CGAS: variants seen among roughly 807,000 people sequenced by gnomAD.
CGAS encodes the protein cyclic GMP-AMP synthase.
In CGAS, 31 loss-of-function variants were observed where a neutral mutation model predicts 34.0. That is an observed-to-expected ratio of 0.91 (90% CI 0.69 to 1.23). The LOEUF is 1.23. Among genes scored for constraint, CGAS ranks in the 50% most tolerant of loss-of-function variants. The probability of loss-of-function intolerance (pLI) is 0.00; values close to 1 mark genes in which losing one functional copy is unlikely to be tolerated. For synonymous variants in CGAS, 266 were observed against 260.0 expected (o/e 1.02, Z -0.22); for missense variants, 597 against 657.6 (o/e 0.91, Z 1.01).
intron 3 of CGAS, among the ~76,000 whole-genome samples, chr6:73,438,643 C>A (rs1770315786): frequency 7.2e-6 from 1 of 138,698 alleles, no homozygotes. Context: ...TGCAGTGAGC[C>A]AAGTTCACAC....
chr6:73,449,112 GA>G (rs941287051), intron 1 of CGAS, among the ~76,000 whole-genome samples: 1 of 151,582 alleles, frequency 6.6e-6, no homozygotes, highest in African/African-American at 2.4e-5. Context: ...AAAAGAAAAA[GA>G]AAAAAAGAAA....
intron 1 of CGAS, 125 bp downstream of exon 1, chr6:73,451,400 A>G: frequency 8.8e-7 from 1 of 1,138,058 alleles, no homozygotes; most frequent in Non-Finnish European, 1.2e-6. Flanking sequence ...TAGGCTACCG[A>G]AAAACATGCA....
intron 3 of CGAS, among the ~76,000 whole-genome samples, chr6:73,429,899 G>A (rs985910621): frequency 6.6e-6 from 1 of 151,974 alleles, no homozygotes; most frequent in Non-Finnish European, 1.5e-5. Context: ...TTACTTCGTG[G>A]TTTTATACTA....
intron 4 of CGAS, 105 bp from the exon 5 acceptor site, chr6:73,425,683 A>AT: frequency 1.3e-6 from 1 of 745,998 alleles, no homozygotes; most frequent in Non-Finnish European, 2.1e-6. Flanking sequence ...ATATAATAAC[A>AT]TAAATATAGG....
chr6:73,448,639 C>T (rs1336307816), intron 1 of CGAS, among the ~76,000 whole-genome samples: 1 of 152,044 alleles, frequency 6.6e-6, no homozygotes, highest in Non-Finnish European at 1.5e-5. Context: ...GTGTGTGCCA[C>T]CACATCCAGT....
At chr6:73,448,114 G>A (rs1268458000) in intron 1 of CGAS, among the ~76,000 whole-genome samples, 17 of 152,090 alleles carry the variant, frequency 1.1e-4, no homozygotes, top group African/African-American at 3.4e-4. Flanking sequence ...ACCACTGGCC[G>A]GGCACAGTGG....
rs115940555 is a variant in CGAS, at chr6:73,428,023, G to C, written c.1217+686C>G. On this transcript the variant is annotated intron_variant, in intron 4 of 4. Transcript: ENST00000370315. The stretch of plus-strand genomic sequence containing the variant: ...AGGTGGGGTCTCACCATGTTGCTAG[G>C]CTGGGATTACAGGTGTGAGCCAACA... Among the ~76,000 whole-genome samples the C allele has an allele frequency of 1.6e-3, 242 of 152,118 alleles. 1 individual carries two copies. Among genetic ancestry groups the C allele is most frequent in the African/African-American group, 5.5e-3 (230 of 41,502 alleles).
At chr6:73,432,135 AT>A (rs1770205494) in intron 3 of CGAS, among the ~76,000 whole-genome samples, 1 of 150,722 alleles carries the variant, frequency 6.6e-6, no homozygotes, top group Non-Finnish European at 1.5e-5. Flanking sequence ...ATATAAGAAA[AT>A]TATTATTTGT....
chr6:73,437,697 T>C (rs574759684), intron 3 of CGAS, among the ~76,000 whole-genome samples: 8 of 152,324 alleles, frequency 5.3e-5, no homozygotes, highest in African/African-American at 1.9e-4. Flanking sequence ...AACTGTTCTT[T>C]AAATAAATTA....
At chr6:73,438,765 C>G (rs574459480) in intron 3 of CGAS, among the ~76,000 whole-genome samples, 1 of 151,580 alleles carries the variant, frequency 6.6e-6, no homozygotes, top group African/African-American at 2.4e-5. Flanking sequence ...TTCTTCATCT[C>G]TAAGGTGATT....
At position 73,451,730 on chromosome 6, in the gene CGAS, G is replaced by C. The variant is rs2150019744; in HGVS notation, c.452C>G (p.Pro151Arg). 1.9e-6 allele frequency: 3 copies of C among 1,613,074 alleles called. No individual in the cohort carries two copies. The South Asian group carries it at 3.3e-5, about 18-fold the overall frequency. Residue 151 changes from proline to arginine, a missense_variant, in exon 1 of 5, where the codon CCC (proline) becomes CGC (arginine). Transcript: ENST00000370315. The stretch of plus-strand genomic sequence containing the variant: ...CGCCGCATCCCTCCGTACGAGAATG[G>C]GGGCCGAGACCGGCAGGCCGGGGCT... Reference protein sequence around the residue: ...VPSPGLPVSAPILVRRDAAPG... With the variant: ...VPSPGLPVSARILVRRDAAPG...
In CGAS at chr6:73,451,649, T is replaced by C; in HGVS notation, c.533A>G (p.Asp178Gly). 1.2e-6 allele frequency: 2 copies of C among 1,614,090 alleles called. No individual in the cohort carries two copies. The highest frequency in any genetic ancestry group is 2.2e-5 in the East Asian group (1 of 44,862). ...VLEKLKLSRD[D>G]ISTAAGMVKG... ...CACCATCCCCGCCGCCGTGGAGATA[T>C]CATCGCGGCTGAGCTTCAACTTCTC... Residue 178 changes from aspartate (D) to glycine (G), a missense_variant, in exon 1 of 5, where the codon GAT becomes GGT. By Grantham distance (94) the Asp-to-Gly change is moderately conservative (BLOSUM62 -1). This residue lies in a region of CGAS where 321 missense variants were observed against 314.3 expected (regional missense o/e 1.02). Transcript: ENST00000370315.
chr6:73,429,963 A>G lies in CGAS; in HGVS notation c.1115-1152T>C, dbSNP rs566485517. 2.0e-5 allele frequency among the ~76,000 whole-genome samples: 3 copies of G among 152,302 alleles called. No homozygotes were observed. In the East Asian group the frequency reaches 5.8e-4, roughly 29 times the overall value. On this transcript the variant is annotated intron_variant, in intron 3 of 4. Transcript: ENST00000370315. ...TGATTTTTCAGAAAAATCAATCAAT[A>G]TAATCTGTCACATTAACAGAATAGA...
chr6:73,441,701 T>G (rs1355734777), intron 2 of CGAS, among the ~76,000 whole-genome samples: 3 of 152,052 alleles, frequency 2.0e-5, no homozygotes, highest in Non-Finnish European at 4.4e-5. Context: ...TTAGATGGCT[T>G]TGGGAGTTGG....
In CGAS at chr6:73,451,996, T is replaced by C. The variant is rs911693956; in HGVS notation, c.186A>G (p.Lys62=). ...GPARKSGSRQ[K]KSAPDTQERP... The stretch of plus-strand genomic sequence containing the variant: ...TCTCCTGGGTGTCCGGGGCGCTCTT[T>C]TTCTGCCGGGATCCCGACTTCCTGG... Residue 62 remains lysine (K), a synonymous_variant, in exon 1 of 5, where the codon AAA becomes AAG. Coordinates refer to ENST00000370315, the MANE Select transcript of CGAS (RefSeq NM_138441.3). 1 of 1,477,856 alleles carries C rather than the reference T, an allele frequency of 6.8e-7. No individual in the cohort carries two copies. The highest frequency in any genetic ancestry group is 1.4e-5 in the African/African-American group (1 of 69,866). The allele number at this position is 1,477,856 out of a possible 1,614,324, so 91.5% of individuals were successfully genotyped here. A position where few individuals can be genotyped will look rare whatever the true frequency, so the allele number is the denominator to read the frequency against.
chr6:73,442,947 C>T (rs184251930), intron 2 of CGAS, among the ~76,000 whole-genome samples: 4 of 151,654 alleles, frequency 2.6e-5, no homozygotes, highest in African/African-American at 9.7e-5. Flanking sequence ...CCAGGCTGGT[C>T]TTGAACTCCT....
intron 1 of CGAS, among the ~76,000 whole-genome samples, chr6:73,450,782 A>G (rs1363555573): frequency 6.6e-6 from 1 of 151,970 alleles, no homozygotes; most frequent in African/African-American, 2.4e-5. Context: ...AGGTCAGGAG[A>G]TCGAGACCAT....
intron 3 of CGAS, among the ~76,000 whole-genome samples, chr6:73,437,966 T>G (rs994579660): frequency 6.6e-6 from 1 of 151,876 alleles, no homozygotes; most frequent in Admixed American, 6.6e-5. Flanking sequence ...CTACTCGAGA[T>G]GCTGAAGTGG....
At chr6:73,435,932 TA>T (rs1256422510) in intron 3 of CGAS, among the ~76,000 whole-genome samples, 1 of 152,132 alleles carries the variant, frequency 6.6e-6, no homozygotes, top group Non-Finnish European at 1.5e-5. Flanking sequence ...AATACACTTA[TA>T]AAAAACAGCT....
Sources: allele counts gnomAD v4.1 joint callset (sites outside exome capture counted in the v4.1 genomes callset), GRCh38; gene constraint gnomAD v4.1.1; regional missense constraint gnomAD v4.1.1; transcripts MANE v1.5; gene names NCBI Gene and HGNC (gene_info 2026-07-23, HGNC 2026-07-21).